TRIP12: variants seen among roughly 807,000 people sequenced by gnomAD.
TRIP12 encodes thyroid hormone receptor interactor 12, also known as E3 ubiquitin-protein ligase TRIP12.
A neutral mutation model predicts 244.2 loss-of-function variants in TRIP12; 25 were observed. The observed-to-expected ratio is 0.10, with a 90% CI of 0.07 to 0.14. The LOEUF (loss-of-function observed/expected upper bound fraction) is 0.14. TRIP12 is among the 10% of genes least tolerant of loss of function. The probability of loss-of-function intolerance (pLI) is 1.00; values close to 1 mark genes in which losing one functional copy is unlikely to be tolerated. For synonymous variants in TRIP12, 905 were observed against 873.1 expected (o/e 1.04, Z -0.64); for missense variants, 1,677 against 2,486.4 (o/e 0.67, Z 6.92).
chr2:229,799,633 G>A (rs1207643743), intron 21 of TRIP12, among the ~76,000 whole-genome samples: 1 of 151,874 alleles, frequency 6.6e-6, no homozygotes, highest in Non-Finnish European at 1.5e-5. Context: ...AAATTAGCCG[G>A]GCGTGGTGGC....
rs189951182 is a variant in TRIP12 at position 229,866,243 on chromosome 2, G to T, written c.99-5712C>A. ...ATTTTCCAAGAATGCAACGACAAGCGATTATACTATTTTTTTGGCAGCTTT... is the reference window on the plus strand; with the variant it reads ...ATTTTCCAAGAATGCAACGACAAGCTATTATACTATTTTTTTGGCAGCTTT... On this transcript the variant is annotated intron_variant, in intron 2 of 41. Coordinates refer to ENST00000675903, the MANE Select transcript of TRIP12 (RefSeq NM_001348323.3). Among the ~76,000 whole-genome samples the T allele has an allele frequency of 9.5e-4, 144 of 152,258 alleles. 2 individuals carry two copies. The highest frequency in any genetic ancestry group is 1.7e-3 in the Non-Finnish European group (117 of 68,020).
chr2:229,843,661 G>A (rs1348375634), intron 4 of TRIP12, among the ~76,000 whole-genome samples: 1 of 152,184 alleles, frequency 6.6e-6, no homozygotes, highest in African/African-American at 2.4e-5. Context: ...GGAGGAATGG[G>A]TGAGCCCAGG....
rs1479259754 is a variant in TRIP12 at position 229,795,316 on chromosome 2, C to T, written c.3831G>A (p.Glu1277=). Residue 1277 remains glutamate (E), a synonymous_variant, in exon 26 of 42, where the codon GAG becomes GAA. Coordinates refer to ENST00000675903, the MANE Select transcript of TRIP12 (RefSeq NM_001348323.3). ...VFFSSPLPGE[E]PIGRVEPVGN... ...CCACTGGTTCCACTCTTCCAATGGG[C>T]TCTTCTCCAGGAAGCTAAAGTTATA... The T allele has an allele frequency of 1.2e-6, 2 of 1,612,774 alleles. No homozygotes were observed. Among genetic ancestry groups the T allele is most frequent in the East Asian group, 2.2e-5 (1 of 44,820 alleles).
At chr2:229,846,749 TAA>T (rs1390287147) in intron 4 of TRIP12, among the ~76,000 whole-genome samples, 2 of 152,212 alleles carry the variant, frequency 1.3e-5, no homozygotes, top group East Asian at 3.8e-4. Context: ...TCAGTAATAA[TAA>T]GACAGATTTT....
intron 1 of TRIP12, among the ~76,000 whole-genome samples, chr2:229,893,236 A>G (rs1330404849): frequency 6.6e-6 from 1 of 152,178 alleles, no homozygotes; most frequent in Non-Finnish European, 1.5e-5. Context: ...GATGTATTTC[A>G]AAGTAAGTTG....
chr2:229,858,466 T>G (rs1465313682), intron 4 of TRIP12, among the ~76,000 whole-genome samples: 2 of 152,160 alleles, frequency 1.3e-5, no homozygotes. Context: ...AAATCCAACT[T>G]TATGTCCCAT....
intron 1 of TRIP12, among the ~76,000 whole-genome samples, chr2:229,913,074 T>C (rs1454023528): frequency 6.6e-6 from 1 of 152,168 alleles, no homozygotes; most frequent in Non-Finnish European, 1.5e-5. Context: ...GGTCCTGAAC[T>C]CCTGGGCTCA....
rs760753266 is a variant in TRIP12 at position 229,777,500 on chromosome 2, T to C, written c.5365-21A>G. The C allele has an allele frequency of 6.2e-6, 10 of 1,612,434 alleles. No homozygotes were observed. In the Admixed American group the frequency reaches 1.3e-4, roughly 22 times the overall value. On this transcript the variant is annotated intron_variant, in intron 36 of 41. Transcript: ENST00000675903. ...TCCACCTGAAATGGAATATGCATAA[T>C]ATTTTCACTGTCACACTGAACTTCC...
chr2:229,794,625 C>T (rs963974313), intron 26 of TRIP12, among the ~76,000 whole-genome samples: 1 of 152,034 alleles, frequency 6.6e-6, no homozygotes, highest in African/African-American at 2.4e-5. Flanking sequence ...ATTTTCTAGG[C>T]CTCCGGTCAA....
chr2:229,909,793 A>G (rs538630517), intron 1 of TRIP12, among the ~76,000 whole-genome samples: 2 of 152,244 alleles, frequency 1.3e-5, no homozygotes, highest in East Asian at 3.9e-4. Flanking sequence ...TTTCAAGGCT[A>G]TGGTGAGACA....
chr2:229,908,924 AC>A (rs2073640791), intron 1 of TRIP12, among the ~76,000 whole-genome samples: 3 of 151,710 alleles, frequency 2.0e-5, no homozygotes, highest in African/African-American at 7.3e-5. Context: ...AGACCCCTCT[AC>A]AAAAAATAAA....
chr2:229,887,560 G>A (rs1459876466), intron 1 of TRIP12, among the ~76,000 whole-genome samples: 1 of 152,062 alleles, frequency 6.6e-6, no homozygotes, highest in Non-Finnish European at 1.5e-5. Context: ...ATGGAAGAAG[G>A]CAAAATGAAG....
chr2:229,911,027 A>G (rs1410501254), intron 1 of TRIP12, among the ~76,000 whole-genome samples: 1 of 152,222 alleles, frequency 6.6e-6, no homozygotes, highest in African/African-American at 2.4e-5. Context: ...CCTTGAGACT[A>G]AGCTGCTTTC....
chr2:229,921,821 C>T, intron 1 of TRIP12, 59 bp downstream of exon 1: 1 of 126,844 alleles, frequency 7.9e-6, no homozygotes, highest in Non-Finnish European at 1.7e-5. Flanking sequence ...CCCCCAACCC[C>T]TCAGCTGGCC....
At chr2:229,814,582 T>A in intron 11 of TRIP12, 1 of 330,176 alleles carries the variant, frequency 3.0e-6, no homozygotes, top group Non-Finnish European at 5.5e-6. Flanking sequence ...CTTTTAAATC[T>A]TCAGATTTAA....
Position 229,771,630 on chromosome 2 carries a change from C to A in TRIP12, c.5697G>T (p.Leu1899=). The A allele has an allele frequency of 1.2e-6, 2 of 1,612,044 alleles. No individual in the cohort carries two copies. The highest frequency in any genetic ancestry group is 1.1e-5 in the South Asian group (1 of 90,952). The change falls in exon 39 of 42, where the codon CTG becomes CTT. Residue 1899 remains leucine, a splice_region_variant and synonymous_variant. Coordinates refer to ENST00000675903, the MANE Select transcript of TRIP12 (RefSeq NM_001348323.3). Reference sequence around the variant, plus strand: ...CTTCATTTAGTGCCCAGAATATAACCAGCTGCAAAAAGAAAGTTTTCAAAA... The same window carrying A: ...CTTCATTTAGTGCCCAGAATATAACAAGCTGCAAAAAGAAAGTTTTCAAAA... ...TIHNLEEYLR[L]VIFWALNEGV...
At chr2:229,881,929 T>C (rs538921084) in intron 1 of TRIP12, among the ~76,000 whole-genome samples, 1 of 152,314 alleles carries the variant, frequency 6.6e-6, no homozygotes, top group Admixed American at 6.5e-5. Context: ...TTTGTTGTCA[T>C]TGAGACTGAT....
At chr2:229,920,713 T>A (rs2076352359) in intron 1 of TRIP12, among the ~76,000 whole-genome samples, 2 of 152,154 alleles carry the variant, frequency 1.3e-5, no homozygotes, top group Non-Finnish European at 2.9e-5. Flanking sequence ...AAAGTGTGAT[T>A]TCCCCCCGAT....
intron 18 of TRIP12, among the ~76,000 whole-genome samples, chr2:229,804,744 C>T (rs371980207): frequency 3.9e-5 from 6 of 152,146 alleles, no homozygotes; most frequent in African/African-American, 1.4e-4. Flanking sequence ...CAGTCCACCA[C>T]CGGTTTTTGT....
Sources: gnomAD v4.1 joint callset for allele counts (sites outside exome capture counted in the v4.1 genomes callset) on GRCh38, gnomAD v4.1.1 for gene constraint, MANE v1.5 for transcripts, NCBI Gene and HGNC (gene_info 2026-07-23, HGNC 2026-07-21) for gene names.